Variants in IFT80 observed in about 807,000 individuals in gnomAD.
The protein encoded by IFT80 is intraflagellar transport protein 80 homolog.
In IFT80, 79 loss-of-function variants were observed where a neutral mutation model predicts 107.9. The observed-to-expected ratio is 0.73, with a 90% CI of 0.61 to 0.88. The LOEUF (loss-of-function observed/expected upper bound fraction) is 0.88. Among genes scored for constraint, IFT80 ranks in the 40% least tolerant of loss-of-function variants. The probability of loss-of-function intolerance (pLI) is 0.00; values close to 1 mark genes in which losing one functional copy is unlikely to be tolerated. For synonymous variants in IFT80, 299 were observed against 300.9 expected, an observed-to-expected ratio of 0.99 and a Z score of 0.07; for missense variants, 797 against 914.2, an observed-to-expected ratio of 0.87 and a Z score of 1.65.
chr3:160,378,817 C>T (rs555947745), intron 3 of IFT80, among the ~76,000 whole-genome samples: 2 of 151,978 alleles, frequency 1.3e-5, no homozygotes, highest in South Asian at 4.2e-4. Context: ...GGGCATGGGA[C>T]AGGAAGCTCT....
chr3:160,378,782 A>AC (rs1241343928), intron 3 of IFT80, among the ~76,000 whole-genome samples: 3 of 152,006 alleles, frequency 2.0e-5, no homozygotes, highest in African/African-American at 7.2e-5. Context: ...GTCTAATCTG[A>AC]CCCCAAAAAA....
chr3:160,358,624 G>T (rs1721275231), intron 6 of IFT80, among the ~76,000 whole-genome samples: 1 of 152,290 alleles, frequency 6.6e-6, no homozygotes, highest in South Asian at 2.1e-4. Flanking sequence ...AAAGTGCTGG[G>T]ATTACAGGCA....
At chr3:160,355,902 T>C in intron 8 of IFT80, 111 bp downstream of exon 8, 2 of 1,255,416 alleles carry the variant, frequency 1.6e-6, no homozygotes, top group South Asian at 2.4e-5. Flanking sequence ...ATCAGAAAGA[T>C]TCAACCAGAT....
intron 4 of IFT80, 101 bp downstream of exon 4, chr3:160,377,329 T>C (rs1037851928): frequency 8.3e-6 from 6 of 725,718 alleles, no homozygotes; most frequent in African/African-American, 1.8e-5. Flanking sequence ...TATTTGCTAT[T>C]ACACAATGAA....
rs1382033902 is a variant in IFT80, at chr3:160,372,211, T to G, written c.439+3601A>C. On this transcript the variant is annotated intron_variant, in intron 5 of 19. Transcript: ENST00000326448. ...AGTCACATGGATGCTTCCAACACTT[T>G]ACAGATTTCCAAATTTTATGATAAT... is the stretch of plus-strand genomic sequence containing the variant. Among the ~76,000 whole-genome samples the G allele has an allele frequency of 2.6e-5, 4 of 152,346 alleles. No homozygotes were observed. The East Asian group carries it at 7.7e-4, about 29-fold the overall frequency.
Position 160,362,158 on chromosome 3 carries a change from G to A in IFT80, c.549+3885C>T, listed in dbSNP as rs539957194. The stretch of plus-strand genomic sequence containing the variant: ...AGACTAATAAAAGGAGAAGAGAGAA[G>A]AATCAAATAGATACAATAAAAAATG... On this transcript the variant is annotated intron_variant, in intron 6 of 19. Coordinates refer to ENST00000326448, the MANE Select transcript of IFT80 (RefSeq NM_020800.3). Among the ~76,000 whole-genome samples the A allele has an allele frequency of 1.1e-4, 17 of 151,808 alleles. 1 individual carries two copies. The South Asian group carries it at 3.5e-3, about 32-fold the overall frequency.
intron 8 of IFT80, among the ~76,000 whole-genome samples, chr3:160,338,341 C>G (rs1010951908): frequency 1.3e-5 from 2 of 152,278 alleles, no homozygotes; most frequent in Admixed American, 1.3e-4. Context: ...CAGTGGCTCA[C>G]GCCTGTAATC....
At chr3:160,328,461 CAAAA>C (rs1236379581) in intron 8 of IFT80, among the ~76,000 whole-genome samples, 2 of 47,902 alleles carry the variant, frequency 4.2e-5, no homozygotes, top group South Asian at 9.5e-4. Flanking sequence ...GACTCCATCT[CAAAA>C]AAAAAAAAAA....
At chr3:160,319,354 T>A (rs1718039270) in intron 9 of IFT80, among the ~76,000 whole-genome samples, 1 of 152,006 alleles carries the variant, frequency 6.6e-6, no homozygotes, top group Non-Finnish European at 1.5e-5. Context: ...AAAATCAGGT[T>A]AAATAAGTTC....
At chr3:160,326,888 T>A (rs1218016570) in intron 8 of IFT80, among the ~76,000 whole-genome samples, 2 of 152,260 alleles carry the variant, frequency 1.3e-5, no homozygotes, top group East Asian at 3.9e-4. Flanking sequence ...CTATCCCTGT[T>A]TGCAGATGAC....
intron 9 of IFT80, among the ~76,000 whole-genome samples, chr3:160,314,153 C>G (rs1335815022): frequency 6.6e-6 from 1 of 152,090 alleles, no homozygotes; most frequent in Non-Finnish European, 1.5e-5. Context: ...ATTTCATCTT[C>G]AATATTACTC....
chr3:160,308,679 A>T (rs1717008098), intron 9 of IFT80, among the ~76,000 whole-genome samples: 2 of 152,208 alleles, frequency 1.3e-5, no homozygotes, highest in Admixed American at 1.3e-4. Context: ...ATGAACAATG[A>T]AAAGTATGGA....
At chr3:160,377,349 T>C in intron 4 of IFT80, 81 bp downstream of exon 4, 3 of 817,280 alleles carry the variant, frequency 3.7e-6, no homozygotes, top group Non-Finnish European at 6.5e-6. Flanking sequence ...AAGACACTAT[T>C]GCTAAATGAA....
chr3:160,335,956 G>T (rs1399359402), intron 8 of IFT80, among the ~76,000 whole-genome samples: 1 of 152,022 alleles, frequency 6.6e-6, no homozygotes, highest in African/African-American at 2.4e-5. Context: ...TTTGTTTTCA[G>T]GGTTCATCCA....
At chr3:160,322,370 AT>A (rs1718304171) in intron 8 of IFT80, among the ~76,000 whole-genome samples, 1 of 151,622 alleles carries the variant, frequency 6.6e-6, no homozygotes, top group South Asian at 2.1e-4. Flanking sequence ...TGAACTCATC[AT>A]TTTTTATGGC....
At chr3:160,390,000 CAGG>C (rs1236555907) in intron 1 of IFT80, among the ~76,000 whole-genome samples, 2 of 152,024 alleles carry the variant, frequency 1.3e-5, no homozygotes, top group Admixed American at 6.6e-5. Context: ...TCAAAGGGAC[CAGG>C]AGATTTTAGA....
intron 1 of IFT80, among the ~76,000 whole-genome samples, chr3:160,392,310 A>G (rs1025102746): frequency 3.9e-5 from 6 of 152,216 alleles, no homozygotes; most frequent in Non-Finnish European, 5.9e-5. Flanking sequence ...TTATAGCTTA[A>G]TATGAATGTA....
chr3:160,292,142 C>T (rs750032272), intron 12 of IFT80, among the ~76,000 whole-genome samples: 5 of 152,122 alleles, frequency 3.3e-5, no homozygotes, highest in African/African-American at 4.8e-5. Flanking sequence ...GAATAGATGC[C>T]GAGTCCGCAC....
chr3:160,354,631 C>A (rs976873159), intron 8 of IFT80, among the ~76,000 whole-genome samples: 1 of 151,520 alleles, frequency 6.6e-6, no homozygotes, highest in South Asian at 2.1e-4. Context: ...CCAGCCTGGG[C>A]GACAGAGCAA....
Sources: allele counts gnomAD v4.1 joint callset (sites outside exome capture counted in the v4.1 genomes callset), GRCh38; gene constraint gnomAD v4.1.1; transcripts MANE v1.5; gene names NCBI Gene and HGNC (gene_info 2026-07-23, HGNC 2026-07-21).